Variants in NDUFAF7 observed in about 807,000 individuals in gnomAD.
NDUFAF7 encodes NADH:ubiquinone oxidoreductase complex assembly factor 7, also known as protein arginine methyltransferase NDUFAF7, mitochondrial.
Under a neutral mutation model 47.2 loss-of-function variants are expected in NDUFAF7, and 48 were observed. That is an observed-to-expected ratio of 1.02 (90% CI 0.81 to 1.29). The LOEUF (loss-of-function observed/expected upper bound fraction) is 1.29, where lower values mean the gene tolerates loss of function less well. NDUFAF7 is among the 50% of genes most tolerant of loss of function. The probability of loss-of-function intolerance (pLI) is 0.00; values close to 1 mark genes in which losing one functional copy is unlikely to be tolerated. For synonymous variants in NDUFAF7, 217 were observed against 190.0 expected (o/e 1.14, Z -1.17); for missense variants, 635 against 537.6 (o/e 1.18, Z -1.79).
the NDUFAF7 span, chr2:37,267,464 T>C: frequency 6.2e-7 from 1 of 1,610,304 alleles, no homozygotes. Context: ...GAGTTGACTT[T>C]CTTGTTTTGT....
At chr2:37,252,999 T>TA (rs1558516686), downstream of NDUFAF7, 1 of 500,952 alleles carries the variant, frequency 2.0e-6, no homozygotes. Context: ...GACTTCTTAT[T>TA]ATTCAGTTTC....
chr2:37,248,655 C>G lies in NDUFAF7; in HGVS notation c.*305C>G, dbSNP rs1667176821. On this transcript the variant is annotated 3_prime_UTR_variant, in exon 10 of 10. Coordinates refer to ENST00000002125, the MANE Select transcript of NDUFAF7 (RefSeq NM_144736.5). The stretch of plus-strand genomic sequence containing the variant: ...TGCGGCTGGGCGTGGTGGCTCATGC[C>G]TGTAATCCCAGCACTTTGGGAGGCT... 2.7e-6 allele frequency: 1 copy of G among 367,430 alleles called. No homozygotes were observed. The highest frequency in any genetic ancestry group is 5.2e-6 in the Non-Finnish European group (1 of 191,080). The allele number at this position is 367,430 out of a possible 1,614,324, so 22.8% of individuals were successfully genotyped here.
chr2:37,246,210 G>A lies in NDUFAF7; in HGVS notation c.936+15G>A. On this transcript the variant is annotated intron_variant, in intron 8 of 9. Transcript: ENST00000002125. ...ATACCTTCAGAGTATGTATAATTCAGTAACATGATTTATCAGAATTTCAGT... is the reference window on the plus strand; with the variant it reads ...ATACCTTCAGAGTATGTATAATTCAATAACATGATTTATCAGAATTTCAGT... 6.2e-7 allele frequency: 1 copy of A among 1,613,024 alleles called. No homozygotes were observed. The highest frequency in any genetic ancestry group is 8.5e-7 in the Non-Finnish European group (1 of 1,179,298).
At chr2:37,257,917 G>C (rs1281282430), downstream of NDUFAF7, among the ~76,000 whole-genome samples, 2 of 152,114 alleles carry the variant, frequency 1.3e-5, no homozygotes, top group Non-Finnish European at 2.9e-5. Context: ...TTTGAAAACA[G>C]TTATATGTAA....
chr2:37,239,470 T>C (rs1235087584), intron 4 of NDUFAF7, among the ~76,000 whole-genome samples: 1 of 152,158 alleles, frequency 6.6e-6, no homozygotes, highest in Non-Finnish European at 1.5e-5. Context: ...ACATCAAAGT[T>C]TCTTATATTG....
At chr2:37,233,649 G>C (rs1255157599) in intron 2 of NDUFAF7, among the ~76,000 whole-genome samples, 1 of 151,260 alleles carries the variant, frequency 6.6e-6, no homozygotes, top group Admixed American at 6.6e-5. Context: ...AAGTGAGCCT[G>C]GTGTTCAGAA....
At chr2:37,249,653 C>G (rs997798885), downstream of NDUFAF7, among the ~76,000 whole-genome samples, 5 of 147,072 alleles carry the variant, frequency 3.4e-5, no homozygotes, top group Non-Finnish European at 6.0e-5. Context: ...GACACACACA[C>G]ACACACACAC....
rs186878328 is a variant in NDUFAF7, at chr2:37,232,139, G to C, written c.89G>C (p.Ser30Thr). ...TTTATTTGGAGAGGGAAATACTTCA[G>C]CTCCGGGAATGAGCCTGCAGAAAAC... ...IPFIWRGKYF[S>T]SGNEPAENPV... The change falls in exon 2 of 10, where the codon AGC (serine) becomes ACC (threonine). Residue 30 changes from serine to threonine, a missense_variant. Transcript: ENST00000002125. The C allele has an allele frequency of 1.5e-4, 249 of 1,614,252 alleles. No homozygotes were observed. Among genetic ancestry groups the C allele is most frequent in the East Asian group, 2.2e-5 (1 of 44,888 alleles).
chr2:37,266,036 A>G, the NDUFAF7 span, among the ~76,000 whole-genome samples: 1 of 152,174 alleles, frequency 6.6e-6, no homozygotes, highest in East Asian at 1.9e-4. Context: ...ACCTGACAAC[A>G]TATTCATACT....
At chr2:37,236,053 T>C in intron 2 of NDUFAF7, 43 bp from the exon 3 acceptor site, 1 of 1,486,894 alleles carries the variant, frequency 6.7e-7, no homozygotes, top group Non-Finnish European at 9.4e-7. Flanking sequence ...AAAAGGCTTA[T>C]TTGAAAATTA....
At chr2:37,268,431 G>A in the NDUFAF7 span, 6 of 456,236 alleles carry the variant, frequency 1.3e-5, no homozygotes, top group Admixed American at 4.9e-5. Context: ...TTTTCTAGGC[G>A]ACTGCTTTAT....
downstream of NDUFAF7, chr2:37,254,370 AACC>A: frequency 9.6e-7 from 1 of 1,043,588 alleles, no homozygotes; most frequent in Non-Finnish European, 1.5e-6. Context: ...AAGGCAGTTC[AACC>A]CATAGAAATA....
chr2:37,260,206 A>G, the NDUFAF7 span: 2 of 1,569,608 alleles, frequency 1.3e-6, no homozygotes, highest in East Asian at 2.2e-5. Context: ...TTTAAAAAAA[A>G]AAAGGAGTTA....
chr2:37,243,658 G>A (rs930059921), intron 6 of NDUFAF7, among the ~76,000 whole-genome samples: 4 of 152,016 alleles, frequency 2.6e-5, no homozygotes, highest in Admixed American at 6.6e-5. Flanking sequence ...CTTCCACAGC[G>A]TCATCTCTGT....
chr2:37,239,118 C>CT (rs368415833), intron 4 of NDUFAF7, among the ~76,000 whole-genome samples: 2,917 of 133,066 alleles, frequency 0.022, 41 homozygotes, highest in Non-Finnish European at 0.028. Flanking sequence ...TTTTCTTTCT[C>CT]TTTTTTTTTT....
rs933110957 is a variant in NDUFAF7, at chr2:37,249,139, C to G, written c.*789C>G. 7 of 152,074 alleles carry G rather than the reference C, an allele frequency of 4.6e-5. No homozygotes were observed. Among genetic ancestry groups the G allele is most frequent in the Non-Finnish European group, 1.0e-4 (7 of 68,058 alleles). 9.4% of individuals were successfully genotyped at this position (152,074 alleles called of 1,614,324 possible). On this transcript the variant is annotated 3_prime_UTR_variant, in exon 10 of 10. Transcript: ENST00000002125. Reference sequence around the variant, plus strand: ...TTGAAGGAGAAAAACTAAATAAATACGAGTAATTTCATAGAAACGAATACA... The same window carrying G: ...TTGAAGGAGAAAAACTAAATAAATAGGAGTAATTTCATAGAAACGAATACA...
chr2:37,241,841 C>G, intron 5 of NDUFAF7, 50 bp downstream of exon 5: 4 of 1,517,258 alleles, frequency 2.6e-6, no homozygotes, highest in Non-Finnish European at 3.6e-6. Flanking sequence ...ACAACCCTCA[C>G]AGTATTGATG....
At chr2:37,268,871 G>C in the NDUFAF7 span, 7 of 153,888 alleles carry the variant, frequency 4.5e-5, no homozygotes, top group Admixed American at 3.9e-4. Context: ...ATCTGTAGAT[G>C]ACTGTGAACC....
chr2:37,248,404 G>T lies in NDUFAF7; in HGVS notation c.*54G>T. On this transcript the variant is annotated 3_prime_UTR_variant, in exon 10 of 10. Transcript: ENST00000002125. ...GTCGGCCCAAGAAATCAAAATAAAGGAAACACATTTCATATACTGCAGGTA... is the reference window on the plus strand; with the variant it reads ...GTCGGCCCAAGAAATCAAAATAAAGTAAACACATTTCATATACTGCAGGTA... 2 of 1,523,056 alleles carry T rather than the reference G, an allele frequency of 1.3e-6. No homozygotes were observed. Among genetic ancestry groups the T allele is most frequent in the South Asian group, 1.1e-5 (1 of 88,958 alleles). The allele number at this position is 1,523,056 out of a possible 1,614,324, so 94.3% of individuals were successfully genotyped here.
Sources: allele counts gnomAD v4.1 joint callset (sites outside exome capture counted in the v4.1 genomes callset), GRCh38; gene constraint gnomAD v4.1.1; transcripts MANE v1.5; gene names NCBI Gene and HGNC (gene_info 2026-07-23, HGNC 2026-07-21).